FAM228B: variants seen among roughly 807,000 people sequenced by gnomAD.
The protein encoded by FAM228B is family with sequence similarity 228 member B.
A neutral mutation model predicts 42.6 loss-of-function variants in FAM228B; 38 were observed. That is an observed-to-expected ratio of 0.89 (90% CI 0.69 to 1.17). The LOEUF (loss-of-function observed/expected upper bound fraction) is 1.17. Ranked by LOEUF, FAM228B falls within the 50% of genes most tolerant of loss-of-function variation. FAM228B has a pLI of 0.00. For synonymous variants in FAM228B, 109 were observed against 122.3 expected, an observed-to-expected ratio of 0.89 and a Z score of 0.72; for missense variants, 344 against 367.3, an observed-to-expected ratio of 0.94 and a Z score of 0.52.
chr2:24,146,585 G>C (rs530255858), intron 5 of FAM228B, among the ~76,000 whole-genome samples, 163 bp from the exon 6 acceptor site: 1 of 152,184 alleles, frequency 6.6e-6, no homozygotes, highest in East Asian at 1.9e-4. Context: ...CCATCTCTTT[G>C]TAATATATTA....
At position 24,084,272 on chromosome 2, in the gene FAM228B, C is replaced by T. The variant is rs1404625162; in HGVS notation, c.-210+3317C>T. The T allele has an allele frequency of 1.1e-5, 18 of 1,614,154 alleles. No homozygotes were observed. The highest frequency in any genetic ancestry group is 1.5e-5 in the Non-Finnish European group (18 of 1,180,012). The stretch of plus-strand genomic sequence containing the variant: ...TCCCCCGGGCTCGGCTTGGCCACCT[C>T]CTTCACGTAGAGGTTTTCCGGTCCT... On this transcript the variant is annotated intron_variant, in intron 2 of 10. Coordinates refer to the FAM228B transcript ENST00000613899. The surrounding 1 kb of genome is among the most constrained non-coding windows in gnomAD (Gnocchi z 8.4).
At chr2:24,145,845 C>G (rs769322778) in intron 5 of FAM228B, among the ~76,000 whole-genome samples, 1 of 151,956 alleles carries the variant, frequency 6.6e-6, no homozygotes, top group East Asian at 1.9e-4. Flanking sequence ...CCCGCCACCA[C>G]GCCTGGCTAA....
intron 3 of FAM228B, among the ~76,000 whole-genome samples, chr2:24,099,937 CAG>C (rs1665573393): frequency 6.6e-6 from 1 of 152,156 alleles, no homozygotes; most frequent in East Asian, 1.9e-4. Flanking sequence ...ACCAATGGAA[CAG>C]AAAAGAGGCC....
intron 7 of FAM228B, 27 bp from the exon 8 acceptor site, chr2:24,161,479 C>A (rs1361997783): frequency 5.3e-6 from 7 of 1,315,226 alleles, no homozygotes; most frequent in Non-Finnish European, 6.3e-6. Context: ...ACAAAAAAAC[C>A]TTCTCACACT....
At chr2:24,120,067 G>C (rs1286441936), upstream of FAM228B, among the ~76,000 whole-genome samples, 1 of 152,062 alleles carries the variant, frequency 6.6e-6, no homozygotes, top group Non-Finnish European at 1.5e-5. Context: ...TTGGAAGTTT[G>C]AGACCAGCCT....
chr2:24,166,050 A>ATATATATATATATATAT (rs1553334331), intron 9 of FAM228B: 1 of 11,668 alleles, frequency 8.6e-5, no homozygotes, highest in Admixed American at 1.6e-3. Flanking sequence ...CTAAAAAAAA[A>ATATATATATATATATAT]AAAAATATAT....
At chr2:24,145,121 G>A (rs1474767725) in intron 5 of FAM228B, among the ~76,000 whole-genome samples, 1 of 152,146 alleles carries the variant, frequency 6.6e-6, no homozygotes, top group African/African-American at 2.4e-5. Context: ...CATCCACCTG[G>A]CCGACCGCAG....
intron 3 of FAM228B, among the ~76,000 whole-genome samples, chr2:24,105,053 A>G (rs998311108): frequency 3.3e-5 from 5 of 152,222 alleles, no homozygotes; most frequent in African/African-American, 9.6e-5. Flanking sequence ...TGCACTGGAA[A>G]CACCCAGACA....
chr2:24,100,940 AG>A (rs1207849275), intron 3 of FAM228B, among the ~76,000 whole-genome samples: 1 of 152,252 alleles, frequency 6.6e-6, no homozygotes. Context: ...GCCATAAAAA[AG>A]GATGAGTTCA....
Position 24,161,627 on chromosome 2 carries a change from TC to T in FAM228B, c.794+16del. The T allele has an allele frequency of 7.1e-7, 1 of 1,413,042 alleles. No homozygotes were observed. The highest frequency in any genetic ancestry group is 9.8e-7 in the Non-Finnish European group (1 of 1,020,926). The allele number at this position is 1,413,042 out of a possible 1,614,324, so 87.5% of individuals were successfully genotyped here. On this transcript the variant is annotated intron_variant, in intron 8 of 10. Coordinates refer to ENST00000615575, the MANE Select transcript of FAM228B (RefSeq NM_001145710.2). ...AGTTATTTACAAGTAAGTCTGTTCTTCCATAGCTTTGCTCTTCTTTTGCTAA... is the reference window on the plus strand; with the variant it reads ...AGTTATTTACAAGTAAGTCTGTTCTTCATAGCTTTGCTCTTCTTTTGCTAA...
chr2:24,167,492 G>T (rs1667450940), intron 9 of FAM228B, 135 bp from the exon 10 acceptor site: 1 of 1,081,768 alleles, frequency 9.2e-7, no homozygotes. Context: ...AACCTGTTCT[G>T]TTGGGGTTGG....
intron 2 of FAM228B, among the ~76,000 whole-genome samples, chr2:24,083,321 G>A (rs1441718726): frequency 6.6e-6 from 1 of 151,954 alleles, no homozygotes; most frequent in Non-Finnish European, 1.5e-5. Context: ...TTAGTTTTAT[G>A]CAAATAAACT....
chr2:24,104,075 C>T (rs1205937949), intron 3 of FAM228B, among the ~76,000 whole-genome samples: 1 of 152,134 alleles, frequency 6.6e-6, no homozygotes, highest in African/African-American at 2.4e-5. Context: ...CACGTTGGGA[C>T]CCATCAGGGC....
intron 10 of FAM228B, among the ~76,000 whole-genome samples, chr2:24,168,260 A>C (rs6723257): frequency 6.6e-6 from 1 of 151,942 alleles, no homozygotes; most frequent in Non-Finnish European, 1.5e-5. Context: ...GTGAGTGTCA[A>C]AGAGAAGAAG....
chr2:24,119,620 C>T, upstream of FAM228B: 4 of 1,613,940 alleles, frequency 2.5e-6, no homozygotes, highest in Non-Finnish European at 3.4e-6. Context: ...GATACATGCC[C>T]TCAGTGTAAG....
At position 24,088,244 on chromosome 2, in the gene FAM228B, A is replaced by T. The variant is rs373406556; in HGVS notation, c.-209-6897A>T. On this transcript the variant is annotated intron_variant, in intron 2 of 10. Coordinates refer to the FAM228B transcript ENST00000613899. ...TGGTGAACACATCCACCATGGGAAG[A>T]TGGTGTGGTGTACCCCAACTCCATG... Among the ~76,000 whole-genome samples, 24 of 152,172 alleles carry T rather than the reference A, an allele frequency of 1.6e-4. 1 individual carries two copies. Among genetic ancestry groups the T allele is most frequent in the Admixed American group, 5.9e-4 (9 of 15,286 alleles).
rs1403783062 is a variant in FAM228B at position 24,084,434 on chromosome 2, C to T, written c.-210+3479C>T. ...GACAGGGCAGGGGCCGCTGTATCCT[C>T]GCGGAGCAGCCCAGCCTCAGGCTGG... On this transcript the variant is annotated intron_variant, in intron 2 of 10. Coordinates refer to the FAM228B transcript ENST00000613899. This position sits in a 1 kb window ranked among gnomAD's most constrained non-coding sequence, Gnocchi z 8.4. The T allele has an allele frequency of 3.1e-5, 42 of 1,351,056 alleles. No homozygotes were observed. The East Asian group carries it at 9.4e-4, about 30-fold the overall frequency. The allele number at this position is 1,351,056 out of a possible 1,614,324, so 83.7% of individuals were successfully genotyped here. A position where few individuals can be genotyped will look rare whatever the true frequency, so the allele number is the denominator to read the frequency against.
At chr2:24,085,323 G>T (rs1175386508) in intron 2 of FAM228B, 1 of 152,138 alleles carries the variant, frequency 6.6e-6, no homozygotes, top group Non-Finnish European at 1.5e-5. Context: ...AAGGATGCTG[G>T]CGATTGGGTA....
At chr2:24,109,890 C>T (rs1320520331) in intron 3 of FAM228B, among the ~76,000 whole-genome samples, 1 of 152,158 alleles carries the variant, frequency 6.6e-6, no homozygotes, top group Non-Finnish European at 1.5e-5. Flanking sequence ...CCTCAGTGAA[C>T]TTAAAACAGA....
Sources: gnomAD v4.1 joint callset for allele counts (sites outside exome capture counted in the v4.1 genomes callset) on GRCh38, gnomAD v4.1.1 for gene constraint, Gnocchi (gnomAD v3.1) non-coding constraint, MANE v1.5 for transcripts, NCBI Gene and HGNC (gene_info 2026-07-23, HGNC 2026-07-21) for gene names.